Variants in THSD4 observed in about 807,000 individuals in gnomAD.
THSD4 encodes thrombospondin type 1 domain containing 4.
Under a neutral mutation model 119.0 loss-of-function variants are expected in THSD4, and 69 were observed. The observed-to-expected ratio is 0.58, with a 90% CI of 0.48 to 0.71. THSD4 has a LOEUF of 0.71. THSD4 is among the 30% of genes least tolerant of loss of function. The pLI is 0.00. For missense variants in THSD4, 1,393 were observed against 1,391.1 expected (o/e 1.00, Z -0.02); for synonymous variants, 524 against 540.4 (o/e 0.97, Z 0.42).
chr15:71,711,083 G>GTGTATATA (rs2052503839), intron 8 of THSD4, among the ~76,000 whole-genome samples: 2 of 128,218 alleles, frequency 1.6e-5, no homozygotes, highest in Non-Finnish European at 3.1e-5. Flanking sequence ...ATATATATAT[G>GTGTATATA]TATATATATA....
At chr15:71,703,158 A>G (rs1370792605) in intron 8 of THSD4, among the ~76,000 whole-genome samples, 3 of 152,112 alleles carry the variant, frequency 2.0e-5, no homozygotes, top group African/African-American at 7.2e-5. Context: ...TATTTTTAGT[A>G]GAGACAGAGA....
chr15:71,682,874 T>C (rs2051816664), intron 8 of THSD4, among the ~76,000 whole-genome samples: 1 of 19,488 alleles, frequency 5.1e-5, no homozygotes, highest in South Asian at 2.8e-3. Flanking sequence ...CTTTCTTTCT[T>C]TCTTTCTTTC....
chr15:71,254,239 T>A (rs1479760353), intron 5 of THSD4, among the ~76,000 whole-genome samples: 1 of 152,190 alleles, frequency 6.6e-6, no homozygotes, highest in Admixed American at 6.5e-5. Context: ...TAGTTCTGAT[T>A]ATGGACAGGG....
rs367823728 is a variant in THSD4, at chr15:71,727,587, T to TACACACACACAC, written c.1358-938_1358-927dup. ...ATATATATATATATATATATATATA[T>TACACACACACAC]ACACACACACACACACACACACACA... On this transcript the variant is annotated intron_variant, in intron 8 of 17. Transcript: ENST00000261862. 4.2e-3 allele frequency among the ~76,000 whole-genome samples: 39 copies of TACACACACACAC among 9,236 alleles called. 1 individual carries two copies. Among genetic ancestry groups the TACACACACACAC allele is most frequent in the African/African-American group, 9.7e-3 (38 of 3,922 alleles). 6.1% of individuals were successfully genotyped at this position (9,236 alleles called of 152,430 possible). A position where few individuals can be genotyped will look rare whatever the true frequency, so the allele number is the denominator to read the frequency against.
In THSD4 at chr15:71,354,062, C is replaced by G. The variant is rs78382906; in HGVS notation, c.1016-57625C>G. 7.9e-5 allele frequency among the ~76,000 whole-genome samples: 12 copies of G among 152,174 alleles called. No individual in the cohort carries two copies. In the East Asian group the frequency reaches 2.3e-3, roughly 29 times the overall value. On this transcript the variant is annotated intron_variant, in intron 6 of 17. Transcript: ENST00000261862. The stretch of plus-strand genomic sequence containing the variant: ...CCATAATCCCAGCTACCCAGGAGGC[C>G]GGGGTGGGAGGATTGCTTGAGCCCA...
chr15:71,515,767 G>A (rs933932328), intron 7 of THSD4, among the ~76,000 whole-genome samples: 4 of 152,180 alleles, frequency 2.6e-5, no homozygotes, highest in African/African-American at 9.7e-5. Flanking sequence ...CTCCTGGATT[G>A]TTCCAGGTTG....
intron 6 of THSD4, among the ~76,000 whole-genome samples, chr15:71,332,402 G>A (rs1243986335): frequency 6.6e-6 from 1 of 152,226 alleles, no homozygotes; most frequent in Non-Finnish European, 1.5e-5. Context: ...TGATGTATGT[G>A]TGTACATGGG....
intron 7 of THSD4, among the ~76,000 whole-genome samples, chr15:71,609,563 AAAC>A (rs1393092036): frequency 3.3e-5 from 5 of 152,170 alleles, no homozygotes. Flanking sequence ...ATAAGAAAAA[AAAC>A]AACAGGCCGG....
chr15:71,198,220 T>G (rs2043736436), intron 3 of THSD4, among the ~76,000 whole-genome samples: 1 of 152,228 alleles, frequency 6.6e-6, no homozygotes, highest in South Asian at 2.1e-4. Flanking sequence ...ATGATCACAG[T>G]TGTGCCATTG....
chr15:71,378,627 C>G (rs192577671), intron 6 of THSD4, among the ~76,000 whole-genome samples: 19 of 152,268 alleles, frequency 1.2e-4, no homozygotes, highest in Admixed American at 8.5e-4. Flanking sequence ...TTGCACTGTT[C>G]CACTCCATTA....
chr15:71,730,031 C>G (rs2052943710), intron 9 of THSD4: 1 of 152,138 alleles, frequency 6.6e-6, no homozygotes, highest in African/African-American at 2.4e-5. Context: ...AATGAAGACC[C>G]ATTTCATCAG....
intron 7 of THSD4, among the ~76,000 whole-genome samples, chr15:71,448,849 A>AC (rs1225320316): frequency 6.6e-6 from 1 of 152,210 alleles, no homozygotes; most frequent in Non-Finnish European, 1.5e-5. Flanking sequence ...GTAGAAACTG[A>AC]CAAATTCTTC....
intron 8 of THSD4, among the ~76,000 whole-genome samples, chr15:71,712,836 T>C (rs951951639): frequency 1.3e-5 from 2 of 152,170 alleles, no homozygotes; most frequent in African/African-American, 4.8e-5. Context: ...CTCAAAAGAC[T>C]ACATACCCTA....
At chr15:71,403,332 A>G (rs1002260946) in intron 6 of THSD4, among the ~76,000 whole-genome samples, 1 of 152,236 alleles carries the variant, frequency 6.6e-6, no homozygotes, top group Non-Finnish European at 1.5e-5. Context: ...GACTAGATAT[A>G]GAATTCTAAT....
rs979154287 is a variant in THSD4, at chr15:71,256,642, G to A, written c.942G>A (p.Arg314=). The A allele has an allele frequency of 6.2e-7, 1 of 1,614,020 alleles. No homozygotes were observed. Among genetic ancestry groups the A allele is most frequent in the Non-Finnish European group, 8.5e-7 (1 of 1,179,958 alleles). Reference sequence around the variant, plus strand: ...GTCCAGAAAGCAGTAGAAGTATCCGGGAGGTACAGTGTGCATCCTACAACA... The same window carrying A: ...GTCCAGAAAGCAGTAGAAGTATCCGAGAGGTACAGTGTGCATCCTACAACA... ...NVCPESSRSI[R]EVQCASYNNK... is the part of the protein sequence containing the mutation. The change falls in exon 6 of 18, where the codon CGG becomes CGA. Residue 314 remains arginine, a synonymous_variant. Transcript: ENST00000261862.
intron 4 of THSD4, among the ~76,000 whole-genome samples, chr15:71,222,085 T>C (rs1472455144): frequency 6.6e-6 from 1 of 152,198 alleles, no homozygotes; most frequent in Non-Finnish European, 1.5e-5. Context: ...TTTGAAGACC[T>C]TCCCTTTTAT....
chr15:71,104,890 G>A (rs931733987), intron 1 of THSD4, among the ~76,000 whole-genome samples: 7 of 152,192 alleles, frequency 4.6e-5, no homozygotes, highest in Non-Finnish European at 7.3e-5. Flanking sequence ...AGAGTGACCC[G>A]TAGGGCTGAG....
At position 71,757,981 on chromosome 15, in the gene THSD4, A is replaced by G. The variant is rs770207993; in HGVS notation, c.2495A>G (p.Glu832Gly). 33 of 1,613,978 alleles carry G rather than the reference A, an allele frequency of 2.0e-5. No homozygotes were observed. The highest frequency in any genetic ancestry group is 2.7e-5 in the Non-Finnish European group (32 of 1,180,032). Residue 832 changes from glutamate (E) to glycine (G), a missense_variant, in exon 15 of 18, where the codon GAG becomes GGG. Physicochemically the swap from Glu to Gly is moderately conservative, Grantham distance 98 (BLOSUM62 -2). Coordinates refer to ENST00000261862, the MANE Select transcript of THSD4 (RefSeq NM_024817.3). ...AACCATGTCAGCAGCCTGCCCCTGG[A>G]GGGCTGTGGGAACAACCGGCCGGCA... The part of the protein sequence containing the change: ...MTNHVSSLPL[E>G]GCGNNRPAEA...
At position 71,166,182 on chromosome 15, in the gene THSD4, G is replaced by A. The variant is rs537477242; in HGVS notation, c.99+11250G>A. Reference sequence around the variant, plus strand: ...GGGAATAGGGTACCTGATGAATTCAGATGTTGTGGTCTTGGTTGTTCCTTT... The same window carrying A: ...GGGAATAGGGTACCTGATGAATTCAAATGTTGTGGTCTTGGTTGTTCCTTT... On this transcript the variant is annotated intron_variant, in intron 3 of 17. Transcript: ENST00000261862. Among the ~76,000 whole-genome samples the A allele has an allele frequency of 3.3e-5, 5 of 152,250 alleles. No individual in the cohort carries two copies. In the East Asian group the frequency reaches 9.7e-4, roughly 29 times the overall value.
Sources: allele counts gnomAD v4.1 joint callset (sites outside exome capture counted in the v4.1 genomes callset), GRCh38; gene constraint gnomAD v4.1.1; transcripts MANE v1.5; gene names NCBI Gene and HGNC (gene_info 2026-07-23, HGNC 2026-07-21).